Variants in UNC93A observed in about 807,000 individuals in gnomAD.
UNC93A encodes unc-93 homolog A.
In UNC93A, 43 loss-of-function variants were observed where a neutral mutation model predicts 47.5. The observed-to-expected ratio is 0.91, with a 90% CI of 0.71 to 1.17. The LOEUF (loss-of-function observed/expected upper bound fraction) is 1.17. UNC93A is among the 50% of genes most tolerant of loss of function. UNC93A has a pLI of 0.00. For synonymous variants in UNC93A, 280 were observed against 258.0 expected (o/e 1.09, Z -0.82); for missense variants, 605 against 577.6 (o/e 1.05, Z -0.49).
chr6:167,287,872 A>G (rs1783768502), upstream of UNC93A, among the ~76,000 whole-genome samples: 2 of 152,164 alleles, frequency 1.3e-5, no homozygotes, highest in African/African-American at 4.8e-5. Flanking sequence ...CCGCCCTGAC[A>G]GGGAGAGTGG....
At chr6:167,295,511 G>GTGCTCCTCGCCTC (rs1778045796) in intron 2 of UNC93A, among the ~76,000 whole-genome samples, 1 of 44,710 alleles carries the variant, frequency 2.2e-5, no homozygotes, top group African/African-American at 1.8e-4. Context: ...ATCCTCGCCT[G>GTGCTCCTCGCCTC]CCTCGTGCTC....
intron 4 of UNC93A, among the ~76,000 whole-genome samples, chr6:167,300,193 C>T (rs550105393): frequency 6.6e-6 from 1 of 152,260 alleles, no homozygotes; most frequent in South Asian, 2.1e-4. Flanking sequence ...AGGCCAGAGG[C>T]CAATGCAAGT....
chr6:167,283,330 ATC>A (rs1445780551), intron 1 of UNC93A, among the ~76,000 whole-genome samples: 3 of 152,230 alleles, frequency 2.0e-5, no homozygotes, highest in Non-Finnish European at 4.4e-5. Context: ...CATGCTTAAG[ATC>A]TCTGTTTTCA....
intron 7 of UNC93A, among the ~76,000 whole-genome samples, chr6:167,312,457 C>T (rs972951689): frequency 4.0e-5 from 6 of 151,740 alleles, no homozygotes; most frequent in Non-Finnish European, 5.9e-5. Flanking sequence ...TAAAAAACGC[C>T]TGTCCCTTCT....
rs1783720274 is a variant in UNC93A at position 167,285,938 on chromosome 6, T to TCTC, written c.-51-5501_-51-5500insCTC. Among the ~76,000 whole-genome samples the TCTC allele has an allele frequency of 3.5e-3, 460 of 131,762 alleles. 1 individual carries two copies. Among genetic ancestry groups the TCTC allele is most frequent in the Middle Eastern group, 7.8e-3 (2 of 256 alleles). The allele number at this position is 131,762 out of a possible 152,430, so 86.4% of individuals were successfully genotyped here. On this transcript the variant is annotated intron_variant, in intron 1 of 3. Transcript: ENST00000503433. ...ATGTCCAGTGAAGAGTTAGTTTTCTTTCTCTCTCTCTCTCTCTCTCTCTAT... is the reference window on the plus strand; with the variant it reads ...ATGTCCAGTGAAGAGTTAGTTTTCTTCTCTCTCTCTCTCTCTCTCTCTCTCTAT...
chr6:167,293,223 G>A (rs1215257966), intron 1 of UNC93A, among the ~76,000 whole-genome samples: 4 of 152,112 alleles, frequency 2.6e-5, no homozygotes, highest in African/African-American at 7.2e-5. Context: ...ATTGTCCCAC[G>A]CCCCGCCAGC....
chr6:167,310,292 C>T (rs549932856), intron 7 of UNC93A, among the ~76,000 whole-genome samples: 52 of 152,186 alleles, frequency 3.4e-4, no homozygotes, highest in African/African-American at 1.2e-3. Flanking sequence ...CACAATATTC[C>T]ATACGATAAT....
At chr6:167,272,503 C>A (rs112736813) in intron 1 of UNC93A, among the ~76,000 whole-genome samples, 3 of 152,346 alleles carry the variant, frequency 2.0e-5, no homozygotes, top group African/African-American at 7.2e-5. Context: ...TGTGACACAA[C>A]CCTCAGGAGG....
upstream of UNC93A, among the ~76,000 whole-genome samples, chr6:167,289,719 A>C (rs1369795031): frequency 1.3e-5 from 2 of 151,644 alleles, no homozygotes; most frequent in Non-Finnish European, 2.9e-5. Context: ...CAGACAGTGC[A>C]ATAAAACATC....
At chr6:167,269,777 T>TG (rs1562336436), upstream of UNC93A, among the ~76,000 whole-genome samples, 2 of 151,512 alleles carry the variant, frequency 1.3e-5, no homozygotes, top group African/African-American at 4.8e-5. Flanking sequence ...TGGCTTTTTT[T>TG]TGTGTGTGTG....
At chr6:167,291,777 A>G (rs1050413387) in intron 1 of UNC93A, among the ~76,000 whole-genome samples, 1 of 152,196 alleles carries the variant, frequency 6.6e-6, no homozygotes, top group African/African-American at 2.4e-5. Context: ...TCTCAATAGG[A>G]TTGCACAACA....
intron 1 of UNC93A, among the ~76,000 whole-genome samples, chr6:167,285,200 C>G (rs1328030347): frequency 4.7e-5 from 7 of 149,528 alleles, no homozygotes. Flanking sequence ...CAGTCACACT[C>G]CCTGCCACAC....
chr6:167,269,428 A>ATATT (rs1307438557), upstream of UNC93A, among the ~76,000 whole-genome samples: 1 of 152,208 alleles, frequency 6.6e-6, no homozygotes, highest in East Asian at 1.9e-4. Flanking sequence ...AAATGGTCCT[A>ATATT]TATTTGCATT....
intron 1 of UNC93A, 80 bp from the exon 2 acceptor site, chr6:167,294,437 G>C: frequency 4.6e-6 from 7 of 1,534,156 alleles, no homozygotes; most frequent in African/African-American, 1.4e-5. Context: ...CCTCCAGCCT[G>C]GGGGACACTG....
chr6:167,307,425 C>A (rs1049392745), intron 6 of UNC93A, among the ~76,000 whole-genome samples: 2 of 111,312 alleles, frequency 1.8e-5, no homozygotes, highest in African/African-American at 7.7e-5. Flanking sequence ...ATGGTTGAGA[C>A]GGTTGAGATG....
At chr6:167,281,718 C>G (rs1162383296) in intron 1 of UNC93A, among the ~76,000 whole-genome samples, 1 of 152,134 alleles carries the variant, frequency 6.6e-6, no homozygotes, top group African/African-American at 2.4e-5. Flanking sequence ...GGAGTTGGGA[C>G]TCTTCATTTG....
At chr6:167,271,902 A>G (rs960999559) in intron 1 of UNC93A, among the ~76,000 whole-genome samples, 1 of 152,144 alleles carries the variant, frequency 6.6e-6, no homozygotes, top group Non-Finnish European at 1.5e-5. Flanking sequence ...AGCTAAACAC[A>G]TGGGAAATGA....
At chr6:167,297,817 C>T (rs961044542) in intron 3 of UNC93A, 128 bp from the exon 4 acceptor site, 275 of 1,198,444 alleles carry the variant, frequency 2.3e-4, no homozygotes, top group Non-Finnish European at 2.9e-4. Context: ...GGTCTTTCCA[C>T]GTGACCTGTA....
At chr6:167,289,688 C>T (rs911722379), upstream of UNC93A, among the ~76,000 whole-genome samples, 3 of 151,700 alleles carry the variant, frequency 2.0e-5, no homozygotes, top group Admixed American at 6.6e-5. Context: ...TGAGTTGAAG[C>T]AACCAAGGGA....
Sources: allele counts gnomAD v4.1 joint callset (sites outside exome capture counted in the v4.1 genomes callset), GRCh38; gene constraint gnomAD v4.1.1; transcripts MANE v1.5; gene names NCBI Gene and HGNC (gene_info 2026-07-23, HGNC 2026-07-21).